SPAG9: variants seen among roughly 807,000 people sequenced by gnomAD.
SPAG9 encodes C-Jun-amino-terminal kinase-interacting protein 4.
A neutral mutation model predicts 166.5 loss-of-function variants in SPAG9; 35 were observed. The ratio of observed to expected loss-of-function variants is 0.21; its 90% CI spans 0.16 to 0.28. The LOEUF is 0.28. SPAG9 is among the 10% of genes least tolerant of loss of function. The pLI, the probability that SPAG9 is intolerant of heterozygous loss-of-function variation, is 1.00. For synonymous variants in SPAG9, 534 were observed against 565.5 expected (o/e 0.94, Z 0.79); for missense variants, 1,235 against 1,603.3 (o/e 0.77, Z 3.92).
intron 1 of SPAG9, among the ~76,000 whole-genome samples, chr17:51,103,173 T>A (rs17651736): frequency 0.11 from 16,056 of 152,188 alleles, 1,125 homozygotes; most frequent in Non-Finnish European, 0.16. Flanking sequence ...ATAATTTGAA[T>A]GCACAAAGAG....
intron 12 of SPAG9, among the ~76,000 whole-genome samples, chr17:51,003,072 AAAAAT>A (rs770326509): frequency 5.3e-5 from 8 of 151,608 alleles, no homozygotes; most frequent in South Asian, 2.1e-4. Context: ...TGGCTCTACA[AAAAAT>A]AAAATTAAAT....
rs1295090084 is a variant in SPAG9, at chr17:51,037,682, TATA to T, written c.741+3816_741+3818del. ...TATGTGTTTTATATATATATATATATATAGTGTGTGTGTGTGTGTGTGTGTGTG... is the reference window on the plus strand; with the variant it reads ...TATGTGTTTTATATATATATATATATGTGTGTGTGTGTGTGTGTGTGTGTG... On this transcript the variant is annotated intron_variant, in intron 5 of 29. Transcript: ENST00000262013. Among the ~76,000 whole-genome samples the T allele has an allele frequency of 5.2e-4, 50 of 96,328 alleles. 2 individuals carry two copies. Among genetic ancestry groups the T allele is most frequent in the East Asian group, 2.0e-3 (9 of 4,516 alleles). 63.2% of individuals were successfully genotyped at this position (96,328 alleles called of 152,430 possible).
At position 51,118,033 on chromosome 17, in the gene SPAG9, A is replaced by G. The variant is rs188051732; in HGVS notation, c.303+2321T>C. 4.6e-3 allele frequency among the ~76,000 whole-genome samples: 686 copies of G among 150,734 alleles called. 3 individuals are homozygous for G. Among genetic ancestry groups the G allele is most frequent in the Non-Finnish European group, 6.9e-3 (466 of 67,760 alleles). On this transcript the variant is annotated intron_variant, in intron 1 of 29. Transcript: ENST00000262013. ...GTGGCACGTGCCTATAGTCCCAGCTACTCGGGCGGCTGAGGCAGAAGAATT... is the reference window on the plus strand; with the variant it reads ...GTGGCACGTGCCTATAGTCCCAGCTGCTCGGGCGGCTGAGGCAGAAGAATT...
At chr17:50,985,846 A>G in intron 22 of SPAG9, 68 bp from the exon 23 acceptor site, 1 of 856,436 alleles carries the variant, frequency 1.2e-6, no homozygotes, top group South Asian at 1.7e-5. Flanking sequence ...TCTAACAATG[A>G]TCGCGAAGTT....
intron 19 of SPAG9, among the ~76,000 whole-genome samples, chr17:50,992,281 T>C (rs1343897923): frequency 6.6e-6 from 1 of 152,204 alleles, no homozygotes; most frequent in African/African-American, 2.4e-5. Flanking sequence ...AATCATATAA[T>C]ATTTGTCCTT....
chr17:51,037,471 G>C (rs1456407191), intron 5 of SPAG9, among the ~76,000 whole-genome samples: 2 of 151,426 alleles, frequency 1.3e-5, no homozygotes, highest in African/African-American at 4.9e-5. Flanking sequence ...AAATTAGCCA[G>C]GCACGGTGGT....
intron 2 of SPAG9, among the ~76,000 whole-genome samples, chr17:51,060,434 T>C (rs1287984172): frequency 6.8e-6 from 1 of 146,116 alleles, no homozygotes; most frequent in Non-Finnish European, 1.5e-5. Context: ...ATCTGGGAGA[T>C]GGAGGTTGCC....
chr17:51,090,274 C>A (rs2048429945), intron 1 of SPAG9, among the ~76,000 whole-genome samples: 1 of 152,020 alleles, frequency 6.6e-6, no homozygotes, highest in Non-Finnish European at 1.5e-5. Flanking sequence ...GTAATCCCAG[C>A]ATTTTTGGGA....
At position 50,970,253 on chromosome 17, in the gene SPAG9, C is replaced by G. The variant is rs1412757827; in HGVS notation, c.3850+454G>C. Among the ~76,000 whole-genome samples the G allele has an allele frequency of 2.0e-5, 3 of 152,028 alleles. No homozygotes were observed. In the South Asian group the frequency reaches 6.2e-4, roughly 32 times the overall value. On this transcript the variant is annotated intron_variant, in intron 29 of 29. Coordinates refer to ENST00000262013, the MANE Select transcript of SPAG9 (RefSeq NM_001130528.3). ...ATACCAAGGGCCGGGTGCGGTGGCT[C>G]GGGCTTGTAATCCCAGCTGGAAGGC...
chr17:51,017,732 A>T (rs2144138309), intron 8 of SPAG9, among the ~76,000 whole-genome samples: 2 of 152,314 alleles, frequency 1.3e-5, no homozygotes, highest in Middle Eastern at 3.4e-3. Flanking sequence ...ATTACTTAAC[A>T]TTTATTGAAT....
At chr17:50,969,948 G>C (rs555748275) in intron 29 of SPAG9, among the ~76,000 whole-genome samples, 1 of 152,272 alleles carries the variant, frequency 6.6e-6, no homozygotes, top group East Asian at 1.9e-4. Flanking sequence ...TTAGACGAAG[G>C]CTTTGTCTGA....
At chr17:51,021,504 A>G in intron 6 of SPAG9, 139 bp from the exon 7 acceptor site, 1 of 621,998 alleles carries the variant, frequency 1.6e-6, no homozygotes, top group Non-Finnish European at 2.7e-6. Flanking sequence ...GCCACTGATT[A>G]CCGGTAAGTA....
intron 14 of SPAG9, 139 bp from the exon 15 acceptor site, chr17:50,998,756 T>C: frequency 2.8e-6 from 2 of 705,812 alleles, no homozygotes; most frequent in Non-Finnish European, 4.7e-6. Context: ...ACAGTTTTTG[T>C]AGTCATACGC....
At chr17:51,010,765 C>G (rs1287502435) in intron 9 of SPAG9, among the ~76,000 whole-genome samples, 1 of 151,794 alleles carries the variant, frequency 6.6e-6, no homozygotes, top group African/African-American at 2.4e-5. Context: ...ATAAAGATAA[C>G]AAACTGAGCT....
intron 15 of SPAG9, among the ~76,000 whole-genome samples, chr17:50,997,897 G>A (rs971244121): frequency 1.3e-5 from 2 of 151,408 alleles, no homozygotes; most frequent in Non-Finnish European, 2.9e-5. Context: ...TATCAATGTT[G>A]TCATACCAGC....
intron 5 of SPAG9, among the ~76,000 whole-genome samples, chr17:51,037,685 A>ATATATATAGTGTGTGTGTGTGTGTGT: frequency 1.1e-4 from 9 of 83,492 alleles, no homozygotes; most frequent in African/African-American, 3.5e-4. Context: ...ATATATATAT[A>ATATATATAGTGTGTGTGTGTGTGTGT]GTGTGTGTGT....
intron 6 of SPAG9, among the ~76,000 whole-genome samples, chr17:51,024,707 C>A (rs1415967221): frequency 3.6e-5 from 5 of 137,238 alleles, no homozygotes; most frequent in African/African-American, 1.4e-4. Flanking sequence ...GAGCAAGACT[C>A]TGTCTCAAAA....
intron 28 of SPAG9, among the ~76,000 whole-genome samples, chr17:50,974,180 T>C (rs986977213): frequency 1.3e-5 from 2 of 152,214 alleles, no homozygotes; most frequent in African/African-American, 4.8e-5. Flanking sequence ...ATCACTTCCA[T>C]CTTTTTTCTG....
intron 12 of SPAG9, among the ~76,000 whole-genome samples, chr17:51,002,938 C>T (rs939901122): frequency 3.3e-5 from 5 of 149,936 alleles, no homozygotes; most frequent in South Asian, 2.1e-4. Context: ...AAATTAGCCA[C>T]GTATGGGGTG....
Sources: gnomAD v4.1 joint callset for allele counts (sites outside exome capture counted in the v4.1 genomes callset) on GRCh38, gnomAD v4.1.1 for gene constraint, MANE v1.5 for transcripts, NCBI Gene and HGNC (gene_info 2026-07-23, HGNC 2026-07-21) for gene names.